The following STAB2 variants were observed in gnomAD, a reference collection of about 807,000 sequenced individuals.
STAB2 encodes the protein stabilin 2, also known as stabilin-2.
In STAB2, 288 loss-of-function variants were observed where a neutral mutation model predicts 338.1. That is an observed-to-expected ratio of 0.85 (90% CI 0.77 to 0.94). The LOEUF is 0.94. Ranked by LOEUF, STAB2 falls within the 40% of genes least tolerant of loss-of-function variation. The pLI is 0.00. For missense variants in STAB2, 3,141 were observed against 3,210.1 expected (o/e 0.98, Z 0.52); for synonymous variants, 1,202 against 1,193.3 (o/e 1.01, Z -0.15).
chr12:103,654,771 C>A, intron 13 of STAB2, 73 bp downstream of exon 13: 1 of 1,518,898 alleles, frequency 6.6e-7, no homozygotes, highest in Non-Finnish European at 8.9e-7. Context: ...ACATCCAGAG[C>A]ATGCCAGCAC....
chr12:103,731,780 A>G, intron 50 of STAB2, 145 bp downstream of exon 50: 2 of 721,842 alleles, frequency 2.8e-6, no homozygotes, highest in Non-Finnish European at 4.6e-6. Flanking sequence ...TCTGGAGAGC[A>G]AAGTCATTCT....
At position 103,654,712 on chromosome 12, in the gene STAB2, T is replaced by C. The variant is rs1874043212; in HGVS notation, c.1551+14T>C. On this transcript the variant is annotated intron_variant, in intron 13 of 68. Coordinates refer to ENST00000388887, the MANE Select transcript of STAB2 (RefSeq NM_017564.10). ...AGCAACAATGAGGTGAGTATTCAGA[T>C]AAAAGTCACATCAGGCCAGGTCCAT... 6.2e-7 allele frequency: 1 copy of C among 1,612,208 alleles called. No homozygotes were observed. Among genetic ancestry groups the C allele is most frequent in the Admixed American group, 1.7e-5 (1 of 59,704 alleles).
intron 58 of STAB2, 92 bp downstream of exon 58, chr12:103,746,796 C>A: frequency 7.7e-7 from 1 of 1,304,034 alleles, no homozygotes; most frequent in Non-Finnish European, 1.1e-6. Context: ...CCTAGCCCTC[C>A]TTCCTGTCTG....
intron 20 of STAB2, 182 bp from the exon 21 acceptor site, chr12:103,669,359 G>A (rs1875498178): frequency 1.7e-6 from 1 of 598,078 alleles, no homozygotes; most frequent in South Asian, 2.0e-5. Context: ...GAGGGGCTCA[G>A]TAGAGTTGTG....
chr12:103,642,757 C>T (rs893829443), intron 9 of STAB2, among the ~76,000 whole-genome samples: 1 of 152,170 alleles, frequency 6.6e-6, no homozygotes, highest in Non-Finnish European at 1.5e-5. Context: ...GCCTGGGCCC[C>T]CCACTAGACC....
In STAB2 at chr12:103,713,745, C is replaced by T. The variant is rs546628700; in HGVS notation, c.4514C>T (p.Thr1505Met). The change falls in exon 42 of 69, where the codon ACG becomes ATG. Residue 1505 changes from threonine to methionine, a missense_variant. Thr to Met is a moderately conservative substitution (Grantham distance 81). Coordinates refer to ENST00000388887, the MANE Select transcript of STAB2 (RefSeq NM_017564.10). ...GTGTGCACGTGCAAAGCAGGCTACA[C>T]GGGTGATGGCATTGTGTGCCTGGGT... Reference protein sequence around the residue: ...RRVCTCKAGYTGDGIVCLEIN... With the variant: ...RRVCTCKAGYMGDGIVCLEIN... 37 of 1,613,884 alleles carry T rather than the reference C, an allele frequency of 2.3e-5. No individual in the cohort carries two copies. Among genetic ancestry groups the T allele is most frequent in the Middle Eastern group, 1.7e-4 (1 of 6,056 alleles).
rs762274201 is a variant in STAB2, at chr12:103,637,229, C to T, written c.702C>T (p.Tyr234=). 1.3e-5 allele frequency: 21 copies of T among 1,610,804 alleles called. No homozygotes were observed. The East Asian group carries it at 2.2e-4, about 17-fold the overall frequency. Residue 234 remains tyrosine, a synonymous_variant, in exon 7 of 69, where the codon TAC becomes TAT. Transcript: ENST00000388887. The stretch of plus-strand genomic sequence containing the variant: ...CCAATTACCGAGGCGATGGCAAATA[C>T]TGCGACCGTGAGTAGAATTTAGATT... ...CLPNYRGDGK[Y]CDPINPCLRK... is the part of the protein sequence containing the mutation.
chr12:103,677,454 C>T lies in STAB2; in HGVS notation c.2648C>T (p.Ala883Val). Residue 883 changes from alanine to valine, a missense_variant and splice_region_variant, in exon 25 of 69, where the codon GCA becomes GTA. Coordinates refer to ENST00000388887, the MANE Select transcript of STAB2 (RefSeq NM_017564.10). ...TTGCTTTTTCTTTTCCTCCTGCAGG[C>T]AGAATGCATCAAAACTGGCACGGGC... ...GLTPGGCSRN[A>V]ECIKTGTGTH... is the part of the protein sequence containing the mutation. 2 of 1,606,222 alleles carry T rather than the reference C, an allele frequency of 1.2e-6. No homozygotes were observed. The highest frequency in any genetic ancestry group is 1.7e-6 in the Non-Finnish European group (2 of 1,173,394).
At chr12:103,733,684 CAT>C (rs1239392232) in intron 51 of STAB2, among the ~76,000 whole-genome samples, 4 of 151,980 alleles carry the variant, frequency 2.6e-5, no homozygotes, top group Non-Finnish European at 5.9e-5. Context: ...CACATAGGAA[CAT>C]ATGTGATATA....
At chr12:103,717,616 C>A (rs530934437) in intron 43 of STAB2, among the ~76,000 whole-genome samples, 154 bp from the exon 44 acceptor site, 1 of 152,256 alleles carries the variant, frequency 6.6e-6, no homozygotes, top group South Asian at 2.1e-4. Context: ...CATAGGGTGA[C>A]AATTATCATT....
At chr12:103,662,254 G>T (rs185540842) in intron 17 of STAB2, among the ~76,000 whole-genome samples, 231 of 152,282 alleles carry the variant, frequency 1.5e-3, no homozygotes, top group Admixed American at 5.1e-3. Context: ...TTAAATGGGG[G>T]TGAAGACAGA....
chr12:103,642,068 G>C (rs1872966276), intron 9 of STAB2, among the ~76,000 whole-genome samples: 1 of 152,142 alleles, frequency 6.6e-6, no homozygotes, highest in Admixed American at 6.5e-5. Context: ...ACTCCCCCTG[G>C]GGTGACCTTA....
intron 5 of STAB2, among the ~76,000 whole-genome samples, chr12:103,625,064 A>T (rs1378989157): frequency 6.6e-6 from 1 of 152,160 alleles, no homozygotes; most frequent in Non-Finnish European, 1.5e-5. Flanking sequence ...TCTCCTCCCA[A>T]ATTTACCCTT....
At chr12:103,737,874 G>C in intron 53 of STAB2, 94 bp downstream of exon 53, 1 of 1,512,076 alleles carries the variant, frequency 6.6e-7, no homozygotes, top group Non-Finnish European at 8.9e-7. Context: ...ACCATTAAGG[G>C]CCTGTCCTCA....
Position 103,660,698 on chromosome 12 carries a change from C to T in STAB2, c.1804C>T (p.Leu602Phe), listed in dbSNP as rs747286687. 10 of 1,614,080 alleles carry T rather than the reference C, an allele frequency of 6.2e-6. No homozygotes were observed. Among genetic ancestry groups the T allele is most frequent in the Non-Finnish European group, 7.6e-6 (9 of 1,179,992 alleles). ...CTTATTGCAGCTTGAAGTGGCCACTCTCATCTCCACCCCTCACATCAGGAG... is the reference window on the plus strand; with the variant it reads ...CTTATTGCAGCTTGAAGTGGCCACTTTCATCTCCACCCCTCACATCAGGAG... Reference protein sequence around the residue: ...VPFTQLEVATLISTPHIRSMA... With the variant: ...VPFTQLEVATFISTPHIRSMA... Residue 602 changes from leucine to phenylalanine, a missense_variant, in exon 17 of 69, where the codon CTC becomes TTC. By Grantham distance (22) the Leu-to-Phe change is conservative. Transcript: ENST00000388887.
intron 28 of STAB2, among the ~76,000 whole-genome samples, chr12:103,688,865 C>G (rs1877669162): frequency 6.6e-6 from 1 of 152,168 alleles, no homozygotes; most frequent in African/African-American, 2.4e-5. Context: ...TGTGCTGAAC[C>G]CTGTTCACAC....
chr12:103,608,641 A>G (rs900273308), intron 3 of STAB2, among the ~76,000 whole-genome samples: 6 of 152,146 alleles, frequency 3.9e-5, no homozygotes, highest in African/African-American at 4.8e-5. Context: ...TAGGTTGCCT[A>G]TTCACTCTGA....
At chr12:103,675,289 TGA>T (rs1268546262) in intron 23 of STAB2, among the ~76,000 whole-genome samples, 2 of 152,200 alleles carry the variant, frequency 1.3e-5, no homozygotes, top group Admixed American at 1.3e-4. Context: ...CGGAACATTT[TGA>T]GAGGAGCGTC....
rs145026397 is a variant in STAB2, at chr12:103,640,250, G to A, written c.1034G>A (p.Arg345Gln). The change falls in exon 9 of 69, where the codon CGA becomes CAA. Residue 345 changes from arginine to glutamine, a missense_variant. Arg to Gln is a conservative substitution (Grantham distance 43, BLOSUM62 1). Transcript: ENST00000388887. ...AATTGCACCACCGTCGCACCAGGCC[G>A]AACTGAGTAAGTCTTTTCAATTCCT... is the stretch of plus-strand genomic sequence containing the variant. ...NANCTTVAPG[R>Q]TECICQKGYV... The A allele has an allele frequency of 2.7e-5, 43 of 1,611,934 alleles. No individual in the cohort carries two copies. The highest frequency in any genetic ancestry group is 1.6e-4 in the Middle Eastern group (1 of 6,070).
Sources: allele counts gnomAD v4.1 joint callset (sites outside exome capture counted in the v4.1 genomes callset), GRCh38; gene constraint gnomAD v4.1.1; transcripts MANE v1.5; gene names NCBI Gene and HGNC (gene_info 2026-07-23, HGNC 2026-07-21).